Variants in SCN8A observed in about 807,000 individuals in gnomAD.
SCN8A encodes the protein sodium voltage-gated channel alpha subunit 8.
Under a neutral mutation model 184.1 loss-of-function variants are expected in SCN8A, and 30 were observed. The ratio of observed to expected loss-of-function variants is 0.16; its 90% CI spans 0.12 to 0.22. The LOEUF is 0.22. Ranked by LOEUF, SCN8A falls within the 10% of genes least tolerant of loss-of-function variation. The pLI, the probability that SCN8A is intolerant of heterozygous loss-of-function variation, is 1.00. For synonymous variants in SCN8A, 852 were observed against 907.0 expected (o/e 0.94, Z 1.09); for missense variants, 1,057 against 2,498.9 (o/e 0.42, Z 12.30).
chr12:51,633,987 A>C (rs920698251), intron 1 of SCN8A, among the ~76,000 whole-genome samples: 2 of 152,242 alleles, frequency 1.3e-5, no homozygotes, highest in African/African-American at 2.4e-5. Flanking sequence ...ATGTGGGCAC[A>C]TGGCAATCTG....
intron 18 of SCN8A, 53 bp downstream of exon 18, chr12:51,770,038 C>A: frequency 7.9e-7 from 1 of 1,265,040 alleles, no homozygotes; most frequent in Non-Finnish European, 1.1e-6. Flanking sequence ...TGCTCACAGA[C>A]ACAGTTGTGC....
chr12:51,771,697 T>G (rs998171089), intron 19 of SCN8A, among the ~76,000 whole-genome samples: 19 of 152,006 alleles, frequency 1.2e-4, no homozygotes, highest in African/African-American at 4.6e-4. Flanking sequence ...CTGATCTGAG[T>G]GAAGGGGAGC....
At chr12:51,738,101 G>T (rs748789316) in intron 12 of SCN8A, among the ~76,000 whole-genome samples, 1 of 152,056 alleles carries the variant, frequency 6.6e-6, no homozygotes, top group African/African-American at 2.4e-5. Context: ...CCTAATCTTT[G>T]GTGGGAACTT....
intron 2 of SCN8A, among the ~76,000 whole-genome samples, chr12:51,680,232 G>C (rs1261176497): frequency 6.6e-6 from 1 of 152,096 alleles, no homozygotes; most frequent in African/African-American, 2.4e-5. Context: ...ATTTAGAAAG[G>C]GGTGATGGTA....
chr12:51,789,488 C>G, intron 24 of SCN8A, 70 bp downstream of exon 24: 1 of 1,493,358 alleles, frequency 6.7e-7, no homozygotes, highest in Non-Finnish European at 9.2e-7. Context: ...GTCCCTATCT[C>G]TAGAAAGAAA....
chr12:51,639,288 G>A (rs986987117), intron 1 of SCN8A, among the ~76,000 whole-genome samples: 1 of 152,170 alleles, frequency 6.6e-6, no homozygotes, highest in Admixed American at 6.5e-5. Flanking sequence ...TCCTGAGATG[G>A]AATCTCCTCC....
chr12:51,604,898 T>C (rs1414551113), intron 1 of SCN8A, among the ~76,000 whole-genome samples: 2 of 152,058 alleles, frequency 1.3e-5, no homozygotes, highest in South Asian at 2.1e-4. Flanking sequence ...GTTGTATAGA[T>C]AGATTACATA....
chr12:51,635,870 C>G (rs887739895), intron 1 of SCN8A, among the ~76,000 whole-genome samples: 2 of 152,050 alleles, frequency 1.3e-5, no homozygotes, highest in Non-Finnish European at 2.9e-5. Context: ...TTTTAACATA[C>G]GTATAGAAAA....
At chr12:51,735,159 C>G (rs1259820273) in intron 12 of SCN8A, among the ~76,000 whole-genome samples, 1 of 152,178 alleles carries the variant, frequency 6.6e-6, no homozygotes, top group Non-Finnish European at 1.5e-5. Flanking sequence ...CACCATGGTT[C>G]CAGATAATAG....
chr12:51,702,065 T>C (rs1941699326), intron 8 of SCN8A, among the ~76,000 whole-genome samples: 1 of 152,006 alleles, frequency 6.6e-6, no homozygotes, highest in Admixed American at 6.6e-5. Context: ...GGCTCACGCT[T>C]GTAATCCCAG....
rs867683485 is a variant in SCN8A at position 51,721,083 on chromosome 12, A to T, written c.1636-463A>T. On this transcript the variant is annotated intron_variant, in intron 11 of 26. Coordinates refer to ENST00000627620, the MANE Select transcript of SCN8A (RefSeq NM_001330260.2). ...ACTCCATCTCAAAAAAAAAAAAATT[A>T]TATATATATATATATATATATATAA... 3.3e-4 allele frequency among the ~76,000 whole-genome samples: 21 copies of T among 62,922 alleles called. No individual in the cohort carries two copies. In the East Asian group the frequency reaches 4.3e-3, roughly 13 times the overall value. 41.3% of individuals were successfully genotyped at this position (62,922 alleles called of 152,430 possible).
chr12:51,802,843 G>A (rs866413141), intron 26 of SCN8A, among the ~76,000 whole-genome samples: 1 of 152,150 alleles, frequency 6.6e-6, no homozygotes, highest in Admixed American at 6.6e-5. Context: ...TCACACCAGG[G>A]ACTATCAGTG....
At position 51,792,674 on chromosome 12, in the gene SCN8A, G is replaced by A. The variant is rs142507707; in HGVS notation, c.4525-1697G>A. On this transcript the variant is annotated intron_variant, in intron 25 of 26. Transcript: ENST00000627620. ...CCCCGTAAGCCAGGTTAACAAATAGGGATTGTGTTGCAAGCCCAGTGGGAA... is the reference window on the plus strand; with the variant it reads ...CCCCGTAAGCCAGGTTAACAAATAGAGATTGTGTTGCAAGCCCAGTGGGAA... 5.6e-3 allele frequency among the ~76,000 whole-genome samples: 852 copies of A among 152,052 alleles called. 6 individuals carry two copies. The highest frequency in any genetic ancestry group is 0.012 in the Admixed American group (179 of 15,258).
intron 1 of SCN8A, among the ~76,000 whole-genome samples, chr12:51,608,053 C>T (rs1347405529): frequency 7.1e-6 from 1 of 140,680 alleles, no homozygotes; most frequent in Admixed American, 7.3e-5. Flanking sequence ...TGGAGTCTTG[C>T]TCTGTCGCCC....
intron 12 of SCN8A, among the ~76,000 whole-genome samples, chr12:51,728,728 T>TC (rs201985629): frequency 6.5e-3 from 323 of 49,640 alleles, no homozygotes; most frequent in African/African-American, 0.015. Context: ...AGACCCTGTT[T>TC]CCCAAAAAAA....
intron 14 of SCN8A, 85 bp from the exon 15 acceptor site, chr12:51,762,418 T>G: frequency 7.7e-7 from 1 of 1,295,834 alleles, no homozygotes; most frequent in East Asian, 2.4e-5. Context: ...TTGAGGTTTC[T>G]TGGACATGTT....
chr12:51,767,375 A>T (rs1004020970), intron 16 of SCN8A, among the ~76,000 whole-genome samples: 2 of 152,228 alleles, frequency 1.3e-5, no homozygotes, highest in African/African-American at 4.8e-5. Flanking sequence ...CCCTTTGCTC[A>T]GTAGTCCTTC....
chr12:51,790,851 A>C (rs1938230663), intron 25 of SCN8A, among the ~76,000 whole-genome samples: 1 of 152,182 alleles, frequency 6.6e-6, no homozygotes, highest in South Asian at 2.1e-4. Context: ...CCAGTTCAAG[A>C]TAGGATTTGG....
rs1565934531 is a variant in SCN8A, at chr12:51,807,161, G to A, written c.5675G>A (p.Arg1892His). The A allele has an allele frequency of 5.0e-6, 8 of 1,613,792 alleles. No homozygotes were observed. Among genetic ancestry groups the A allele is most frequent in the African/African-American group, 1.3e-5 (1 of 74,888 alleles). The change falls in exon 27 of 27, where the codon CGC (arginine) becomes CAC (histidine). Residue 1892 changes from arginine (R) to histidine (H), a missense_variant. Physicochemically the swap from Arg to His is conservative, Grantham distance 29. Around this residue, in one of 19 missense-constraint regions of SCN8A, gnomAD observed 95 missense variants for 140.2 expected, o/e 0.68. Coordinates refer to ENST00000627620, the MANE Select transcript of SCN8A (RefSeq NM_001330260.2). This position sits in a 1 kb window ranked among gnomAD's most constrained non-coding sequence, Gnocchi z 4.5. ...SYEPITTTLRRKQEEVSAVVL... is the reference protein window; with the variant it reads ...SYEPITTTLRHKQEEVSAVVL... ...GAGCCAATCACAACCACACTGCGTC[G>A]CAAGCAGGAGGAGGTATCTGCAGTG...
Sources: allele counts gnomAD v4.1 joint callset (sites outside exome capture counted in the v4.1 genomes callset), GRCh38; gene constraint gnomAD v4.1.1; regional missense constraint gnomAD v4.1.1; non-coding constraint Gnocchi (gnomAD v3.1); transcripts MANE v1.5; gene names NCBI Gene and HGNC (gene_info 2026-07-23, HGNC 2026-07-21).